CNGB1: variants seen among roughly 807,000 people sequenced by gnomAD.
CNGB1 encodes the protein cyclic nucleotide-gated channel beta-1.
Under a neutral mutation model 151.7 loss-of-function variants are expected in CNGB1, and 126 were observed. That is an observed-to-expected ratio of 0.83 (90% CI 0.72 to 0.96). CNGB1 has a LOEUF of 0.96. Among genes scored for constraint, CNGB1 ranks in the 40% least tolerant of loss-of-function variants. The probability of loss-of-function intolerance (pLI) is 0.00; values close to 1 mark genes in which losing one functional copy is unlikely to be tolerated. For synonymous variants in CNGB1, 623 were observed against 635.1 expected (o/e 0.98, Z 0.29); for missense variants, 1,698 against 1,627.0 (o/e 1.04, Z -0.75).
intron 16 of CNGB1, among the ~76,000 whole-genome samples, chr16:57,932,115 C>G (rs926636907): frequency 6.6e-5 from 10 of 152,206 alleles, no homozygotes; most frequent in Admixed American, 2.6e-4. Context: ...CACAAAGCCA[C>G]AGAAACCACG....
intron 14 of CNGB1, chr16:57,946,335 G>A (rs1227049198): frequency 1.3e-5 from 2 of 152,622 alleles, no homozygotes; most frequent in East Asian, 3.8e-4. Context: ...TGAAATCCCA[G>A]CCCCAAAAGC....
chr16:57,913,143 C>T (rs1369468444), intron 23 of CNGB1, 149 bp from the exon 24 acceptor site: 21 of 689,190 alleles, frequency 3.0e-5, no homozygotes, highest in Non-Finnish European at 4.7e-5. Flanking sequence ...TCCTCAGCCC[C>T]TTGACGGGTA....
intron 18 of CNGB1, among the ~76,000 whole-genome samples, chr16:57,922,162 A>T (rs1228702447): frequency 6.6e-6 from 1 of 152,186 alleles, no homozygotes; most frequent in African/African-American, 2.4e-5. Flanking sequence ...TGTTAAGCAT[A>T]AACTGCATAA....
chr16:57,920,391 C>T lies in CNGB1; in HGVS notation c.1797G>A (p.Lys599=). The part of the protein sequence containing the change: ...PDVTSDEESP[K]PSPAKKAPEP... ...CCCCTCCAGCTCCAGACTCACAGGGCTTGGGGCTCTCCTCATCAGAGGTGA... is the reference window on the plus strand; with the variant it reads ...CCCCTCCAGCTCCAGACTCACAGGGTTTGGGGCTCTCCTCATCAGAGGTGA... The change falls in exon 19 of 33, where the codon AAG becomes AAA. Residue 599 remains lysine (K), a synonymous_variant. Transcript: ENST00000251102. 5 of 1,614,158 alleles carry T rather than the reference C, an allele frequency of 3.1e-6. No homozygotes were observed. The highest frequency in any genetic ancestry group is 4.2e-6 in the Non-Finnish European group (5 of 1,180,032).
chr16:57,964,070 A>G, intron 4 of CNGB1, 60 bp downstream of exon 4: 2 of 1,521,698 alleles, frequency 1.3e-6, no homozygotes, highest in Non-Finnish European at 1.8e-6. Flanking sequence ...AGGGCTCCCT[A>G]GCTGGGAGGG....
intron 29 of CNGB1, among the ~76,000 whole-genome samples, chr16:57,899,579 G>A (rs549217885): frequency 6.6e-6 from 1 of 152,344 alleles, no homozygotes; most frequent in Non-Finnish European, 1.5e-5. Context: ...GGCGGAGGTT[G>A]CAGTGAGCCG....
rs142344725 is a variant in CNGB1, at chr16:57,891,250, C to T, written c.3243-3176G>A. ...TTGTAGTAATTATGTCCTATAAGATCTCTGCGGACACTGAATTAGCAAAAA... is the reference window on the plus strand; with the variant it reads ...TTGTAGTAATTATGTCCTATAAGATTTCTGCGGACACTGAATTAGCAAAAA... On this transcript the variant is annotated intron_variant, in intron 31 of 32. Transcript: ENST00000251102. Among the ~76,000 whole-genome samples the T allele has an allele frequency of 3.3e-5, 5 of 152,284 alleles. No individual in the cohort carries two copies. In the East Asian group the frequency reaches 9.7e-4, roughly 29 times the overall value.
intron 22 of CNGB1, 69 bp downstream of exon 22, chr16:57,916,060 C>T: frequency 6.8e-7 from 1 of 1,471,020 alleles, no homozygotes; most frequent in Admixed American, 1.7e-5. Flanking sequence ...GCCCCAGGCA[C>T]CCAGGGCCCT....
intron 19 of CNGB1, among the ~76,000 whole-genome samples, 179 bp downstream of exon 19, chr16:57,920,208 C>T (rs1023403718): frequency 6.6e-6 from 1 of 152,194 alleles, no homozygotes; most frequent in Non-Finnish European, 1.5e-5. Flanking sequence ...GATCTTCCCA[C>T]CCTTGGGTAC....
At chr16:57,965,427 A>C (rs1202800785) in intron 2 of CNGB1, among the ~76,000 whole-genome samples, 2 of 152,242 alleles carry the variant, frequency 1.3e-5, no homozygotes, top group East Asian at 3.8e-4. Flanking sequence ...GTACAGACAC[A>C]CAACATGCAC....
chr16:57,939,327 T>C, intron 16 of CNGB1, 103 bp downstream of exon 16: 1 of 1,524,700 alleles, frequency 6.6e-7, no homozygotes. Flanking sequence ...GGGAAGGAGA[T>C]GGAGGGAGAG....
At chr16:57,927,048 A>G (rs992026038) in intron 17 of CNGB1, among the ~76,000 whole-genome samples, 3 of 152,270 alleles carry the variant, frequency 2.0e-5, no homozygotes, top group African/African-American at 7.2e-5. Flanking sequence ...CAGAGAAGCC[A>G]GAATGAGGAC....
rs75406397 is a variant in CNGB1, at chr16:57,931,751, G to T, written c.1500C>A (p.Thr500=). ...LPPPSPAKSD[T]LIVPSSASGT... ...CCGAGGCTGAGCTTGGGACTATAAG[G>T]GTGTCTGATTTGGCAGGAGACGGTG... The change falls in exon 17 of 33, where the codon ACC becomes ACA. Residue 500 remains threonine, a synonymous_variant. Coordinates refer to ENST00000251102, the MANE Select transcript of CNGB1 (RefSeq NM_001297.5). 6.2e-7 allele frequency: 1 copy of T among 1,614,146 alleles called. No homozygotes were observed. The highest frequency in any genetic ancestry group is 1.7e-5 in the Admixed American group (1 of 60,020).
Position 57,928,171 on chromosome 16 carries a change from C to T in CNGB1, c.1535+3545G>A, listed in dbSNP as rs145735040. Among the ~76,000 whole-genome samples the T allele has an allele frequency of 3.3e-3, 507 of 152,358 alleles. 4 individuals carry two copies. The highest frequency in any genetic ancestry group is 0.011 in the African/African-American group (441 of 41,580). On this transcript the variant is annotated intron_variant, in intron 17 of 32. Coordinates refer to ENST00000251102, the MANE Select transcript of CNGB1 (RefSeq NM_001297.5). Reference sequence around the variant, plus strand: ...GTTTGCCTCCAGCTGTACACACAGCCTTCTCCCAGGCACCTGGCTTGAGTT... The same window carrying T: ...GTTTGCCTCCAGCTGTACACACAGCTTTCTCCCAGGCACCTGGCTTGAGTT...
At chr16:57,958,921 CTTT>C (rs10708381) in intron 10 of CNGB1, among the ~76,000 whole-genome samples, 20 of 119,832 alleles carry the variant, frequency 1.7e-4, no homozygotes, top group East Asian at 7.3e-4. Context: ...TCATGCCCAG[CTTT>C]TTTTTTTTTT....
intron 14 of CNGB1, among the ~76,000 whole-genome samples, chr16:57,942,812 G>A (rs758406190): frequency 6.0e-5 from 9 of 150,884 alleles, no homozygotes; most frequent in Non-Finnish European, 1.0e-4. Context: ...GCAGTGAGCC[G>A]TGATTGCACC....
chr16:57,929,788 T>C (rs2149370996), intron 17 of CNGB1, among the ~76,000 whole-genome samples: 1 of 152,286 alleles, frequency 6.6e-6, no homozygotes, highest in South Asian at 2.1e-4. Flanking sequence ...TCCCACCAGG[T>C]CCGTCCCTTG....
chr16:57,903,751 G>A, intron 27 of CNGB1, 71 bp downstream of exon 27: 1 of 1,568,990 alleles, frequency 6.4e-7, no homozygotes, highest in Non-Finnish European at 8.8e-7. Flanking sequence ...GCGCCCCGAA[G>A]GCATGGCACC....
rs1191431038 is a variant in CNGB1 at position 57,882,875 on chromosome 16, T to A, written c.*1289A>T. ...GCTTTAGGGAATGTAAGTGCTGTCA[T>A]CAGCTGGGAGATTTCATTTTCTAGG... On this transcript the variant is annotated 3_prime_UTR_variant, in exon 33 of 33. Coordinates refer to ENST00000251102, the MANE Select transcript of CNGB1 (RefSeq NM_001297.5). 6.6e-6 allele frequency: 1 copy of A among 151,226 alleles called. No individual in the cohort carries two copies. The highest frequency in any genetic ancestry group is 1.5e-5 in the Non-Finnish European group (1 of 67,936). 9.4% of individuals were successfully genotyped at this position (151,226 alleles called of 1,614,324 possible).
Sources: gnomAD v4.1 joint callset for allele counts (sites outside exome capture counted in the v4.1 genomes callset) on GRCh38, gnomAD v4.1.1 for gene constraint, MANE v1.5 for transcripts, NCBI Gene and HGNC (gene_info 2026-07-23, HGNC 2026-07-21) for gene names.